Variants in GSDME observed in about 807,000 individuals in gnomAD.
GSDME encodes the protein gasdermin E, also known as gasdermin-E.
GSDME carries 44 observed loss-of-function variants against 47.5 expected under a neutral mutation model. That is an observed-to-expected ratio of 0.93 (90% confidence interval 0.73 to 1.19). GSDME has a LOEUF of 1.19. Ranked by LOEUF, GSDME falls within the 50% of genes most tolerant of loss-of-function variation. The pLI is 0.00. For synonymous variants in GSDME, 258 were observed against 252.8 expected, an observed-to-expected ratio of 1.02 and a Z score of -0.20; for missense variants, 663 against 604.2, an observed-to-expected ratio of 1.10 and a Z score of -1.02.
rs1050168366 is a variant in GSDME at position 24,716,917 on chromosome 7, C to T, written c.697+337G>A. 2.7e-6 allele frequency: 1 copy of T among 374,976 alleles called. No homozygotes were observed. The highest frequency in any genetic ancestry group is 6.5e-5 in the East Asian group (1 of 15,286). 23.2% of individuals were successfully genotyped at this position (374,976 alleles called of 1,614,324 possible). A position where few individuals can be genotyped will look rare whatever the true frequency, so the allele number is the denominator to read the frequency against. The stretch of plus-strand genomic sequence containing the variant: ...ACTTGCCTGAGACCTCATAGGACAT[C>T]ATGGCACCGGGGTTGATGCCCAGTG... On this transcript the variant is annotated intron_variant, in intron 5 of 9. Transcript: ENST00000645220. This position sits in a 1 kb window ranked among gnomAD's most constrained non-coding sequence, Gnocchi z 4.5.
intron 3 of GSDME, among the ~76,000 whole-genome samples, chr7:24,731,784 G>C (rs527718473): frequency 2.0e-5 from 3 of 152,228 alleles, no homozygotes; most frequent in Non-Finnish European, 4.4e-5. Context: ...GTGAAGGTAG[G>C]AAAAGGTGTC....
At chr7:24,708,019 T>TATAC in intron 7 of GSDME, 108 bp downstream of exon 7, 1 of 1,395,162 alleles carries the variant, frequency 7.2e-7, no homozygotes, top group Non-Finnish European at 1.0e-6. Flanking sequence ...GAGACAGCTG[T>TATAC]AGGGAGAAAA....
At chr7:24,727,591 G>A (rs1431305426) in intron 3 of GSDME, among the ~76,000 whole-genome samples, 3 of 152,266 alleles carry the variant, frequency 2.0e-5, no homozygotes, top group Non-Finnish European at 4.4e-5. Context: ...TCACACGTGT[G>A]TTCACACACC....
intron 3 of GSDME, among the ~76,000 whole-genome samples, chr7:24,727,580 A>T (rs977233906): frequency 1.3e-5 from 2 of 152,266 alleles, no homozygotes; most frequent in African/African-American, 4.8e-5. Context: ...TTTACAAAGG[A>T]TCACACGTGT....
rs377050475 is a variant in GSDME, at chr7:24,706,358, C to T, written c.1009G>A (p.Gly337Ser). Residue 337 changes from glycine to serine, a missense_variant, in exon 8 of 10, where the codon GGC becomes AGC. Transcript: ENST00000645220. ...LEPVCDDLVS[G>S]LSPTVAVLGE... ...AGCACCGCCACTGTGGGCGAGAGGC[C>T]GCTGACCAGGTCATCGCACTGTAGG... 6.0e-5 allele frequency: 97 copies of T among 1,612,860 alleles called. 1 individual carries two copies. Among genetic ancestry groups the T allele is most frequent in the Admixed American group, 1.7e-4 (10 of 60,010 alleles).
intron 6 of GSDME, 41 bp from the exon 7 acceptor site, chr7:24,708,295 C>T (rs1789204685): frequency 6.8e-6 from 11 of 1,612,522 alleles, no homozygotes; most frequent in Non-Finnish European, 9.3e-6. Context: ...GACTGCGATG[C>T]ACATCTCACG....
chr7:24,713,314 C>T (rs1789428570), intron 5 of GSDME, among the ~76,000 whole-genome samples: 3 of 152,102 alleles, frequency 2.0e-5, no homozygotes, highest in African/African-American at 7.2e-5. Context: ...GGGTCTGTAA[C>T]CTGCATCAGG....
chr7:24,703,035 C>A, intron 8 of GSDME: 1 of 513,728 alleles, frequency 1.9e-6, no homozygotes. Flanking sequence ...AGGAACCCAG[C>A]TGCCAGCTCT....
the GSDME span, among the ~76,000 whole-genome samples, chr7:24,766,214 T>TGTGTGTGTGTGC: frequency 4.6e-5 from 7 of 151,406 alleles, no homozygotes; most frequent in African/African-American, 1.7e-4. This position sits in a 1 kb window ranked among gnomAD's most constrained non-coding sequence, Gnocchi z 4.2. Context: ...TGTGTGTGTG[T>TGTGTGTGTGTGC]GCATGTTTGC....
the GSDME span, among the ~76,000 whole-genome samples, chr7:24,776,676 T>G: frequency 0.019 from 2,888 of 152,344 alleles, 87 homozygotes; most frequent in African/African-American, 0.065. Context: ...TAAGTTCTAT[T>G]AAGCAAATGA....
intron 9 of GSDME, among the ~76,000 whole-genome samples, chr7:24,702,012 C>A (rs1207563259): frequency 1.3e-5 from 2 of 152,188 alleles, no homozygotes; most frequent in Non-Finnish European, 2.9e-5. Flanking sequence ...ATCCTTTGGG[C>A]CAACATAGCA....
chr7:24,744,282 G>A lies in GSDME; in HGVS notation c.404+280C>T, dbSNP rs149760685. ...AAATGCAGGACAGAGCATTTTTACC[G>A]TTCGCATTTTATAAATCATGTGATT... On this transcript the variant is annotated intron_variant, in intron 3 of 9. Transcript: ENST00000645220. The surrounding 1 kb of genome is among the most constrained non-coding windows in gnomAD (Gnocchi z 4.5). The A allele has an allele frequency of 2.8e-5, 13 of 459,290 alleles. No individual in the cohort carries two copies. The highest frequency in any genetic ancestry group is 1.8e-4 in the African/African-American group (9 of 50,748). The allele number at this position is 459,290 out of a possible 1,614,324, so 28.5% of individuals were successfully genotyped here. A position where few individuals can be genotyped will look rare whatever the true frequency, so the allele number is the denominator to read the frequency against.
chr7:24,791,726 C>T, the GSDME span, among the ~76,000 whole-genome samples: 4 of 152,244 alleles, frequency 2.6e-5, no homozygotes, highest in South Asian at 6.2e-4. This position sits in a 1 kb window ranked among gnomAD's most constrained non-coding sequence, Gnocchi z 4.8. Flanking sequence ...TCCAGTTATT[C>T]GGCAGAGTGT....
At chr7:24,748,705 C>A (rs1322558590) in intron 2 of GSDME, among the ~76,000 whole-genome samples, 1 of 152,134 alleles carries the variant, frequency 6.6e-6, no homozygotes, top group Non-Finnish European at 1.5e-5. Context: ...TCTGGACAAG[C>A]TGATAAGAGA....
At chr7:24,718,689 C>T (rs577090162) in intron 4 of GSDME, among the ~76,000 whole-genome samples, 112 of 152,286 alleles carry the variant, frequency 7.4e-4, no homozygotes, top group African/African-American at 2.5e-3. Flanking sequence ...TATCCCGGGA[C>T]GGTCTGGTGA....
the GSDME span, among the ~76,000 whole-genome samples, chr7:24,768,915 T>G: frequency 6.6e-6 from 1 of 152,350 alleles, no homozygotes; most frequent in East Asian, 1.9e-4. This position sits in a 1 kb window ranked among gnomAD's most constrained non-coding sequence, Gnocchi z 5.6. Flanking sequence ...ATTGAGCCCC[T>G]GGTATGTGCT....
chr7:24,714,468 C>A lies in GSDME; in HGVS notation c.697+2786G>T, dbSNP rs1267866995. The stretch of plus-strand genomic sequence containing the variant: ...AGAAATAGCAGAACTGGTTTAAAAT[C>A]AGGCAGTGAATCACCCAGAACGATG... On this transcript the variant is annotated intron_variant, in intron 5 of 9. Transcript: ENST00000645220. The surrounding 1 kb of genome is among the most constrained non-coding windows in gnomAD (Gnocchi z 5.0). Among the ~76,000 whole-genome samples, 1 of 152,120 alleles carries A rather than the reference C, an allele frequency of 6.6e-6. No individual in the cohort carries two copies. The highest frequency in any genetic ancestry group is 6.5e-5 in the Admixed American group (1 of 15,278).
rs2521759 is a variant in GSDME, at chr7:24,725,036, C to A, written c.405-5818G>T. On this transcript the variant is annotated intron_variant, in intron 3 of 9. Coordinates refer to ENST00000645220, the MANE Select transcript of GSDME (RefSeq NM_001127453.2). This position sits in a 1 kb window ranked among gnomAD's most constrained non-coding sequence, Gnocchi z 5.1. ...GACTGGAAGCTTCTGGAGGCCTCAC[C>A]AAGAGCAGATGCTGGCACCATGCTT... is the stretch of plus-strand genomic sequence containing the variant. 3.3e-5 allele frequency among the ~76,000 whole-genome samples: 5 copies of A among 152,004 alleles called. No individual in the cohort carries two copies. The highest frequency in any genetic ancestry group is 9.7e-5 in the African/African-American group (4 of 41,374).
the GSDME span, among the ~76,000 whole-genome samples, chr7:24,795,127 TCCCGCTGTTCAG>T: frequency 5.3e-5 from 8 of 152,142 alleles, no homozygotes; most frequent in Admixed American, 6.5e-5. Context: ...GCCGATTCCT[TCCCGCTGTTCAG>T]CCGCTGCGTT....
Sources: gnomAD v4.1 joint callset for allele counts (sites outside exome capture counted in the v4.1 genomes callset) on GRCh38, gnomAD v4.1.1 for gene constraint, Gnocchi (gnomAD v3.1) non-coding constraint, MANE v1.5 for transcripts, NCBI Gene and HGNC (gene_info 2026-07-23, HGNC 2026-07-21) for gene names.